PRDM16: variants seen among roughly 807,000 people sequenced by gnomAD.
PRDM16 encodes the protein histone-lysine N-methyltransferase PRDM16.
PRDM16 carries 23 observed loss-of-function variants against 110.6 expected under a neutral mutation model. The observed-to-expected ratio is 0.21, with a 90% CI of 0.15 to 0.29. The LOEUF (loss-of-function observed/expected upper bound fraction) is 0.29. PRDM16 is among the 10% of genes least tolerant of loss of function. The probability of loss-of-function intolerance (pLI) is 1.00; values close to 1 mark genes in which losing one functional copy is unlikely to be tolerated. For missense variants in PRDM16, 1,615 were observed against 1,794.3 expected (o/e 0.90, Z 1.81); for synonymous variants, 799 against 781.8 (o/e 1.02, Z -0.37).
intron 3 of PRDM16, among the ~76,000 whole-genome samples, chr1:3,277,986 A>C (rs1640629825): frequency 6.6e-6 from 1 of 152,218 alleles, no homozygotes; most frequent in Non-Finnish European, 1.5e-5. Context: ...GATCATTGCT[A>C]GCAGGCCATG....
intron 3 of PRDM16, among the ~76,000 whole-genome samples, chr1:3,288,538 G>T (rs1640906270): frequency 6.6e-6 from 1 of 152,114 alleles, no homozygotes. Context: ...GGTGGCAAAA[G>T]GGTCCTGTGG....
chr1:3,181,027 TACAC>T (rs1557507651), intron 1 of PRDM16, among the ~76,000 whole-genome samples: 1,705 of 129,818 alleles, frequency 0.013, 112 homozygotes, highest in East Asian at 0.11. Flanking sequence ...AATGCGGTCT[TACAC>T]GCGGTCTTAC....
At chr1:3,135,624 C>T (rs534686403) in intron 1 of PRDM16, among the ~76,000 whole-genome samples, 5 of 152,304 alleles carry the variant, frequency 3.3e-5, no homozygotes, top group Non-Finnish European at 5.9e-5. Flanking sequence ...GCCCGCCTGA[C>T]GCGACATCCC....
At chr1:3,092,558 A>G (rs1486235442) in intron 1 of PRDM16, among the ~76,000 whole-genome samples, 1 of 152,156 alleles carries the variant, frequency 6.6e-6, no homozygotes, top group Non-Finnish European at 1.5e-5. Context: ...AGCACTCACC[A>G]TTTCTGGTCA....
At chr1:3,347,178 C>T (rs12066228) in intron 3 of PRDM16, among the ~76,000 whole-genome samples, 2,405 of 152,320 alleles carry the variant, frequency 0.016, 68 homozygotes, top group African/African-American at 0.053. Flanking sequence ...CCGTCCCTCC[C>T]AGGACACTGG....
chr1:3,412,445 C>G lies in PRDM16; in HGVS notation c.2248C>G (p.Leu750Val). 6.2e-7 allele frequency: 1 copy of G among 1,612,558 alleles called. No individual in the cohort carries two copies. Among genetic ancestry groups the G allele is most frequent in the Non-Finnish European group, 8.5e-7 (1 of 1,179,454 alleles). The change falls in exon 9 of 17, where the codon CTG (leucine) becomes GTG (valine). Residue 750 changes from leucine to valine, a missense_variant. This residue lies in a region of PRDM16 where 772 missense variants were observed against 748.3 expected (regional missense o/e 1.03). Coordinates refer to ENST00000270722, the MANE Select transcript of PRDM16 (RefSeq NM_022114.4). Reference protein sequence around the residue: ...FTDRALAHNLLVKAEPKSPRD... With the variant: ...FTDRALAHNLVVKAEPKSPRD... ...GGACCGAGCCCTCGCCCACAACTTG[C>G]TGGTCAAGGCCGAGCCAAAGTCACC...
chr1:3,328,925 AG>A (rs1641981365), intron 3 of PRDM16, among the ~76,000 whole-genome samples: 1 of 152,146 alleles, frequency 6.6e-6, no homozygotes, highest in South Asian at 2.1e-4. Flanking sequence ...CAGCATCCAC[AG>A]GGGCCTGCCG....
intron 2 of PRDM16, among the ~76,000 whole-genome samples, chr1:3,241,019 C>A (rs572503475): frequency 1.1e-4 from 16 of 152,362 alleles, no homozygotes; most frequent in Admixed American, 7.2e-4. Flanking sequence ...GTGCTGAGGG[C>A]CCAGCTAGCA....
chr1:3,392,251 C>T (rs1643311685), intron 4 of PRDM16, among the ~76,000 whole-genome samples: 1 of 152,234 alleles, frequency 6.6e-6, no homozygotes, highest in African/African-American at 2.4e-5. Context: ...AACTCAGGCA[C>T]AGTTGAATTC....
intron 1 of PRDM16, among the ~76,000 whole-genome samples, chr1:3,101,932 C>T (rs893985735): frequency 2.0e-5 from 3 of 152,120 alleles, no homozygotes; most frequent in Non-Finnish European, 4.4e-5. Flanking sequence ...TCTTTGCTGT[C>T]TGGGGGCCAG....
intron 3 of PRDM16, among the ~76,000 whole-genome samples, chr1:3,373,343 C>T (rs1317663019): frequency 2.6e-5 from 4 of 152,190 alleles, no homozygotes; most frequent in Admixed American, 6.5e-5. Flanking sequence ...GTGAGAGCCC[C>T]GCCCCAGCGT....
Position 3,069,217 on chromosome 1 carries a change from T to G in PRDM16, c.-43T>G. ...GAGATGAAGATAGTGTGTGGCTGCT[T>G]CTGGACTCAAGGAGGAGGAGAGAGA... On this transcript the variant is annotated 5_prime_UTR_variant, in exon 1 of 17. Coordinates refer to ENST00000270722, the MANE Select transcript of PRDM16 (RefSeq NM_022114.4). This position sits in a 1 kb window ranked among gnomAD's most constrained non-coding sequence, Gnocchi z 6.1. The G allele has an allele frequency of 6.4e-7, 1 of 1,567,072 alleles. No individual in the cohort carries two copies. Among genetic ancestry groups the G allele is most frequent in the Non-Finnish European group, 8.7e-7 (1 of 1,152,142 alleles).
chr1:3,365,455 C>T (rs1642792773), intron 3 of PRDM16, among the ~76,000 whole-genome samples: 1 of 152,244 alleles, frequency 6.6e-6, no homozygotes, highest in Non-Finnish European at 1.5e-5. Context: ...GTGCTCCCTC[C>T]CGCCTCTTCC....
intron 2 of PRDM16, among the ~76,000 whole-genome samples, chr1:3,233,846 C>CT (rs1342519023): frequency 1.3e-5 from 2 of 150,996 alleles, no homozygotes; most frequent in Non-Finnish European, 2.9e-5. Flanking sequence ...ATACCAACAG[C>CT]TTTTTATATG....
At chr1:3,125,213 G>A (rs1027346025) in intron 1 of PRDM16, among the ~76,000 whole-genome samples, 8 of 152,254 alleles carry the variant, frequency 5.3e-5, no homozygotes, top group Non-Finnish European at 1.0e-4. Flanking sequence ...CTCAGCCAGC[G>A]CGCTTCCCGC....
chr1:3,317,211 C>T (rs78393086), intron 3 of PRDM16, among the ~76,000 whole-genome samples: 3,457 of 152,252 alleles, frequency 0.023, 51 homozygotes, highest in Non-Finnish European at 0.035. Context: ...CCGCTTGGTA[C>T]GAGGGATGTT....
Position 3,358,071 on chromosome 1 carries a change from G to A in PRDM16, c.439-27081G>A, listed in dbSNP as rs780470407. ...GAAGGAGGCTGCCCTGGCTAACGGC[G>A]GTGCCCAGTGGCCTGGCCTCACGCG... On this transcript the variant is annotated intron_variant, in intron 3 of 16. Transcript: ENST00000270722. This position sits in a 1 kb window ranked among gnomAD's most constrained non-coding sequence, Gnocchi z 4.0. 1.3e-5 allele frequency among the ~76,000 whole-genome samples: 2 copies of A among 152,218 alleles called. No individual in the cohort carries two copies. The highest frequency in any genetic ancestry group is 6.5e-5 in the Admixed American group (1 of 15,290).
intron 2 of PRDM16, among the ~76,000 whole-genome samples, chr1:3,219,185 G>A (rs1639097771): frequency 6.6e-6 from 1 of 152,244 alleles, no homozygotes; most frequent in South Asian, 2.1e-4. Context: ...CCGACAAACG[G>A]CTCCCTCGGC....
intron 3 of PRDM16, chr1:3,308,912 G>A (rs952460566): frequency 3.3e-5 from 5 of 152,258 alleles, no homozygotes; most frequent in Admixed American, 2.6e-4. Context: ...CCGGCTATCG[G>A]GGCCCTGGTG....
Sources: gnomAD v4.1 joint callset for allele counts (sites outside exome capture counted in the v4.1 genomes callset) on GRCh38, gnomAD v4.1.1 for gene constraint, gnomAD v4.1.1 regional missense constraint, Gnocchi (gnomAD v3.1) non-coding constraint, MANE v1.5 for transcripts, NCBI Gene and HGNC (gene_info 2026-07-23, HGNC 2026-07-21) for gene names.